UGT2A1: variants seen among roughly 807,000 people sequenced by gnomAD.
The protein encoded by UGT2A1 is UDP glucuronosyltransferase family 2 member A1 complex locus, also known as UDP-glucuronosyltransferase 2A1.
A neutral mutation model predicts 45.4 loss-of-function variants in UGT2A1; 61 were observed. The observed-to-expected ratio is 1.34, with a 90% CI of 1.09 to 1.66. The LOEUF is 1.66. UGT2A1 is among the 40% of genes most tolerant of loss of function. The pLI is 0.00. For synonymous variants in UGT2A1, 229 were observed against 196.2 expected (o/e 1.17, Z -1.40); for missense variants, 649 against 574.3 (o/e 1.13, Z -1.33).
At chr4:69,640,397 T>C (rs1186706343) in intron 2 of UGT2A1, among the ~76,000 whole-genome samples, 1 of 151,930 alleles carries the variant, frequency 6.6e-6, no homozygotes, top group Non-Finnish European at 1.5e-5. Flanking sequence ...CGTAGTAATG[T>C]TAGCGGTTTA....
chr4:69,614,892 G>T, intron 3 of UGT2A1, among the ~76,000 whole-genome samples: 1 of 152,052 alleles, frequency 6.6e-6, no homozygotes, highest in East Asian at 1.9e-4. Context: ...AGGAGGCATG[G>T]TTGGGAGGCC....
chr4:69,648,698 T>C (rs556978810), intron 1 of UGT2A1, among the ~76,000 whole-genome samples: 6 of 152,172 alleles, frequency 3.9e-5, no homozygotes, highest in African/African-American at 1.4e-4. Context: ...ATATTACTTA[T>C]TGGGTACAAT....
chr4:69,652,729 G>A (rs1014242999), intron 1 of UGT2A1, among the ~76,000 whole-genome samples: 1 of 152,046 alleles, frequency 6.6e-6, no homozygotes, highest in African/African-American at 2.4e-5. Context: ...CACTAAAGAT[G>A]ACATCTCACA....
chr4:69,642,003 G>T (rs1312142800), intron 2 of UGT2A1, among the ~76,000 whole-genome samples: 1 of 151,740 alleles, frequency 6.6e-6, no homozygotes. Context: ...GTTTGGTGCA[G>T]AATTTCTCAA....
At chr4:69,643,113 C>A (rs2109974711) in intron 2 of UGT2A1, among the ~76,000 whole-genome samples, 1 of 151,588 alleles carries the variant, frequency 6.6e-6, no homozygotes, top group East Asian at 1.9e-4. Context: ...TATCCCTAGA[C>A]AATCCTCCCC....
chr4:69,620,424 G>A (rs911159041), intron 3 of UGT2A1, among the ~76,000 whole-genome samples: 5 of 133,262 alleles, frequency 3.8e-5, no homozygotes, highest in Non-Finnish European at 8.4e-5. Flanking sequence ...GCTAACCAGG[G>A]AGGTGAAAGA....
At chr4:69,636,314 T>G (rs1721708624) in intron 2 of UGT2A1, among the ~76,000 whole-genome samples, 1 of 152,156 alleles carries the variant, frequency 6.6e-6, no homozygotes. Flanking sequence ...CAATATCAGT[T>G]TACAGTTAGC....
chr4:69,614,268 C>T (rs1349118637), intron 3 of UGT2A1, among the ~76,000 whole-genome samples: 9 of 151,648 alleles, frequency 5.9e-5, no homozygotes, highest in Non-Finnish European at 8.8e-5. Flanking sequence ...GAATCAAATA[C>T]GAGAAATATA....
chr4:69,637,794 C>T (rs1721794446), intron 2 of UGT2A1, among the ~76,000 whole-genome samples: 1 of 151,962 alleles, frequency 6.6e-6, no homozygotes, highest in African/African-American at 2.4e-5. Flanking sequence ...TGTATTCCTA[C>T]CACTTAGACA....
chr4:69,593,879 A>C (rs1297089178), intron 6 of UGT2A1, among the ~76,000 whole-genome samples: 1 of 151,732 alleles, frequency 6.6e-6, no homozygotes, highest in Non-Finnish European at 1.5e-5. Context: ...ATTAGTTTAT[A>C]ATATTAAGCA....
chr4:69,627,567 A>AG (rs1440272828), intron 3 of UGT2A1, among the ~76,000 whole-genome samples: 97 of 149,956 alleles, frequency 6.5e-4, no homozygotes, highest in African/African-American at 2.3e-3. Flanking sequence ...AGAGAGAGAG[A>AG]AAGAAAGAGA....
At position 69,639,105 on chromosome 4, in the gene UGT2A1, G is replaced by C. The variant is rs149059274; in HGVS notation, c.716-3283C>G. 6.7e-4 allele frequency: 1,082 copies of C among 1,613,552 alleles called. 4 individuals are homozygous for C. In the Middle Eastern group the frequency reaches 8.4e-3, roughly 13 times the overall value. On this transcript the variant is annotated intron_variant, in intron 2 of 6. Coordinates refer to ENST00000286604, the MANE Select transcript of UGT2A1 (RefSeq NM_001252275.3). The stretch of plus-strand genomic sequence containing the variant: ...TGTTGATGCTGGAGAGAACCTCAAT[G>C]TGTACATAAATGGAATTCCTAATTT...
At chr4:69,635,085 A>G (rs1350888046) in intron 3 of UGT2A1, among the ~76,000 whole-genome samples, 1 of 152,184 alleles carries the variant, frequency 6.6e-6, no homozygotes, top group African/African-American at 2.4e-5. Context: ...CCCCCTAAAT[A>G]TATACTACTA....
Position 69,647,584 on chromosome 4 carries a change from C to T in UGT2A1, c.61G>A (p.Gly21Arg). Residue 21 changes from glycine (G) to arginine (R), a missense_variant, in exon 2 of 7, where the codon GGG becomes AGG. By Grantham distance (125) the Gly-to-Arg change is moderately radical. Coordinates refer to ENST00000286604, the MANE Select transcript of UGT2A1 (RefSeq NM_001252275.3). ...TCCATTGGCCAAATCAAAACATTCC[C>T]ACCAAGAGTGGTTCCTATGAGACTT... ...QISLIGTTLG[G>R]NVLIWPMEGS... 6.2e-7 allele frequency: 1 copy of T among 1,610,028 alleles called. No homozygotes were observed. The highest frequency in any genetic ancestry group is 8.5e-7 in the Non-Finnish European group (1 of 1,177,986).
At chr4:69,595,646 T>C (rs1232570903) in intron 4 of UGT2A1, among the ~76,000 whole-genome samples, 1 of 152,058 alleles carries the variant, frequency 6.6e-6, no homozygotes, top group Non-Finnish European at 1.5e-5. Context: ...ATAAAAAGAA[T>C]AGAAATGCAA....
intron 4 of UGT2A1, 60 bp downstream of exon 4, chr4:69,599,185 TA>T (rs762725764): frequency 2.2e-4 from 339 of 1,520,652 alleles, no homozygotes; most frequent in Non-Finnish European, 2.8e-4. Flanking sequence ...CTATAAACTT[TA>T]AAAGAAAATT....
At chr4:69,596,209 T>C (rs1560467870) in intron 4 of UGT2A1, 1 of 1,449,768 alleles carries the variant, frequency 6.9e-7, no homozygotes, top group Non-Finnish European at 9.1e-7. Flanking sequence ...GTCTCTCCCA[T>C]TAGTAAAAAG....
chr4:69,639,346 T>A (rs894625096), intron 2 of UGT2A1: 2 of 1,613,750 alleles, frequency 1.2e-6, no homozygotes, highest in South Asian at 2.2e-5. Context: ...AGCATTATCA[T>A]ATGCTCAATT....
chr4:69,618,852 T>TAAGACC (rs748001917), intron 3 of UGT2A1, among the ~76,000 whole-genome samples: 61 of 151,746 alleles, frequency 4.0e-4, no homozygotes, highest in Non-Finnish European at 6.0e-4. Context: ...ACAAACAAAA[T>TAAGACC]AAGACCAGCA....
Sources: gnomAD v4.1 joint callset for allele counts (sites outside exome capture counted in the v4.1 genomes callset) on GRCh38, gnomAD v4.1.1 for gene constraint, MANE v1.5 for transcripts, NCBI Gene and HGNC (gene_info 2026-07-23, HGNC 2026-07-21) for gene names.